The following GALNT13 variants were observed in gnomAD, a reference collection of about 807,000 sequenced individuals.
GALNT13 encodes the protein UDP-GalNAc:polypeptide N-acetylgalactosaminyltransferase 13.
GALNT13 carries 28 observed loss-of-function variants against 64.2 expected under a neutral mutation model. The ratio of observed to expected loss-of-function variants is 0.44; its 90% CI spans 0.32 to 0.60. The LOEUF (loss-of-function observed/expected upper bound fraction) is 0.60, where lower values mean the gene tolerates loss of function less well. Among genes scored for constraint, GALNT13 ranks in the 20% least tolerant of loss-of-function variants. The pLI is 0.05. For synonymous variants in GALNT13, 214 were observed against 224.6 expected, an observed-to-expected ratio of 0.95 and a Z score of 0.42; for missense variants, 577 against 669.8, an observed-to-expected ratio of 0.86 and a Z score of 1.53.
chr2:154,163,913 G>T (rs1684879127), intron 4 of GALNT13, among the ~76,000 whole-genome samples: 1 of 151,944 alleles, frequency 6.6e-6, no homozygotes, highest in South Asian at 2.1e-4. Flanking sequence ...TAGTTTTTTT[G>T]TTTATAAAAT....
chr2:154,049,033 A>G (rs1882323), intron 3 of GALNT13, among the ~76,000 whole-genome samples: 113,825 of 151,902 alleles, frequency 0.75, 43,026 homozygotes, highest in East Asian at 0.96. Context: ...GAACTCAGTA[A>G]GAATTTTTTA....
intron 9 of GALNT13, among the ~76,000 whole-genome samples, chr2:154,375,450 C>A (rs1697934377): frequency 6.6e-6 from 1 of 152,118 alleles, no homozygotes. Flanking sequence ...CCAGGAGGAT[C>A]TAATTTAGAG....
intron 1 of GALNT13, among the ~76,000 whole-genome samples, chr2:153,881,460 G>A (rs1686781014): frequency 1.3e-5 from 2 of 152,090 alleles, no homozygotes; most frequent in Admixed American, 1.3e-4. Context: ...GACTTTTATT[G>A]TTGTGCACTA....
chr2:153,291,726 G>A, the GALNT13 span, among the ~76,000 whole-genome samples: 1 of 137,450 alleles, frequency 7.3e-6, no homozygotes, highest in Non-Finnish European at 1.5e-5. Flanking sequence ...TTGCTGCCAG[G>A]CTACTTGTGT....
the GALNT13 span, among the ~76,000 whole-genome samples, chr2:153,774,110 T>C: frequency 6.6e-6 from 1 of 151,992 alleles, no homozygotes; most frequent in African/African-American, 2.4e-5. Flanking sequence ...GAAATACATA[T>C]TCATGTTTTT....
At chr2:153,325,960 G>A in the GALNT13 span, among the ~76,000 whole-genome samples, 8 of 152,170 alleles carry the variant, frequency 5.3e-5, no homozygotes, top group Admixed American at 2.0e-4. Flanking sequence ...GTGCGGAGAA[G>A]AATGTATATT....
the GALNT13 span, among the ~76,000 whole-genome samples, chr2:153,146,531 A>G: frequency 2.6e-5 from 4 of 151,888 alleles, no homozygotes; most frequent in African/African-American, 9.7e-5. Context: ...TGATAGGCAC[A>G]GGTTCCCAGA....
the GALNT13 span, among the ~76,000 whole-genome samples, chr2:153,631,973 A>T: frequency 6.6e-6 from 1 of 152,042 alleles, no homozygotes; most frequent in African/African-American, 2.4e-5. Flanking sequence ...TCCTACTTTA[A>T]TCCCCTACCT....
At chr2:153,225,294 A>T in the GALNT13 span, among the ~76,000 whole-genome samples, 2 of 152,220 alleles carry the variant, frequency 1.3e-5, no homozygotes, top group African/African-American at 2.4e-5. Context: ...ATGATTTAAA[A>T]TTTTTTTAAA....
At chr2:154,081,157 TG>T (rs2105414197) in intron 3 of GALNT13, among the ~76,000 whole-genome samples, 1 of 151,732 alleles carries the variant, frequency 6.6e-6, no homozygotes, top group East Asian at 1.9e-4. Flanking sequence ...TCATGAAGCC[TG>T]TAGACCATAC....
chr2:154,254,589 A>G (rs993621926), intron 7 of GALNT13, among the ~76,000 whole-genome samples: 7 of 151,860 alleles, frequency 4.6e-5, no homozygotes, highest in Non-Finnish European at 7.4e-5. Flanking sequence ...TTCAGAAAAA[A>G]AAAGAAGTAT....
chr2:154,191,253 G>C (rs1026282129), intron 4 of GALNT13, among the ~76,000 whole-genome samples: 2 of 152,084 alleles, frequency 1.3e-5, no homozygotes, highest in Non-Finnish European at 2.9e-5. Flanking sequence ...ACACACATTT[G>C]CACGCGCACG....
intron 2 of GALNT13, among the ~76,000 whole-genome samples, chr2:153,905,097 T>C (rs556486264): frequency 4.6e-5 from 7 of 152,098 alleles, no homozygotes; most frequent in African/African-American, 7.2e-5. Flanking sequence ...TTCTACCACA[T>C]GTTATTCAAA....
the GALNT13 span, among the ~76,000 whole-genome samples, chr2:153,297,622 G>A: frequency 6.6e-6 from 1 of 152,286 alleles, no homozygotes; most frequent in East Asian, 1.9e-4. Flanking sequence ...TAACTTTATT[G>A]TAATGTACAA....
chr2:154,198,154 A>G (rs979083223), intron 4 of GALNT13, among the ~76,000 whole-genome samples: 6 of 152,104 alleles, frequency 3.9e-5, no homozygotes, highest in African/African-American at 1.2e-4. Flanking sequence ...ATGATTTTAC[A>G]TGTTGTTTAG....
chr2:154,365,748 A>G (rs1046509990), intron 9 of GALNT13, among the ~76,000 whole-genome samples: 3 of 152,186 alleles, frequency 2.0e-5, no homozygotes, highest in African/African-American at 7.2e-5. Context: ...TACTCAGTAA[A>G]TATAATTAGA....
chr2:153,401,608 C>CA, the GALNT13 span, among the ~76,000 whole-genome samples: 1 of 150,230 alleles, frequency 6.7e-6, no homozygotes, highest in African/African-American at 2.5e-5. Flanking sequence ...ATCTGGGTGC[C>CA]CCTGTATTGG....
chr2:153,237,917 C>G, the GALNT13 span, among the ~76,000 whole-genome samples: 27 of 152,046 alleles, frequency 1.8e-4, no homozygotes, highest in Admixed American at 1.8e-3. Flanking sequence ...AAACTGTTCT[C>G]CATAGTGATT....
At chr2:153,362,061 A>T in the GALNT13 span, among the ~76,000 whole-genome samples, 2 of 152,220 alleles carry the variant, frequency 1.3e-5, no homozygotes, top group African/African-American at 2.4e-5. Flanking sequence ...AGTGGGGGCC[A>T]ATATTCAACA....
Sources: allele counts gnomAD v4.1 joint callset (sites outside exome capture counted in the v4.1 genomes callset), GRCh38; gene constraint gnomAD v4.1.1; transcripts MANE v1.5; gene names NCBI Gene and HGNC (gene_info 2026-07-23, HGNC 2026-07-21).